KCNH1: variants seen among roughly 807,000 people sequenced by gnomAD.
KCNH1 encodes the protein potassium voltage-gated channel subfamily H member 1, also known as voltage-gated delayed rectifier potassium channel KCNH1.
A neutral mutation model predicts 69.2 loss-of-function variants in KCNH1; 27 were observed. That is an observed-to-expected ratio of 0.39 (90% CI 0.29 to 0.54). The LOEUF is 0.54. Ranked by LOEUF, KCNH1 falls within the 20% of genes least tolerant of loss-of-function variation. The pLI is 0.68. For missense variants in KCNH1, 798 were observed against 1,261.6 expected, an observed-to-expected ratio of 0.63 and a Z score of 5.57; for synonymous variants, 456 against 487.7, an observed-to-expected ratio of 0.93 and a Z score of 0.86.
intron 6 of KCNH1, among the ~76,000 whole-genome samples, chr1:211,010,095 T>C (rs748719329): frequency 4.6e-5 from 7 of 152,144 alleles, no homozygotes; most frequent in Non-Finnish European, 1.0e-4. Context: ...TGCACAATGA[T>C]GGAGTTCTCC....
chr1:210,904,003 G>A (rs1687047018), intron 7 of KCNH1, among the ~76,000 whole-genome samples: 1 of 152,212 alleles, frequency 6.6e-6, no homozygotes, highest in Non-Finnish European at 1.5e-5. Flanking sequence ...AGTGGGCATA[G>A]AAAGGGCTAT....
chr1:210,856,146 ACT>A (rs1206043290), intron 7 of KCNH1, among the ~76,000 whole-genome samples: 2 of 151,794 alleles, frequency 1.3e-5, no homozygotes, highest in Non-Finnish European at 2.9e-5. Flanking sequence ...CCATCTAAAA[ACT>A]CTGTTTTCCA....
At chr1:210,726,814 GGT>G (rs1558442601) in intron 10 of KCNH1, among the ~76,000 whole-genome samples, 2,383 of 149,814 alleles carry the variant, frequency 0.016, 65 homozygotes, top group African/African-American at 0.057. Context: ...CCCCGGCGGG[GGT>G]GGGGTGGACT....
chr1:210,952,507 A>G (rs1212241936), intron 6 of KCNH1, among the ~76,000 whole-genome samples: 1 of 152,192 alleles, frequency 6.6e-6, no homozygotes, highest in Non-Finnish European at 1.5e-5. Flanking sequence ...TAATACTTGC[A>G]GTACAGCAAC....
At chr1:210,748,993 C>G (rs1370446272) in intron 10 of KCNH1, among the ~76,000 whole-genome samples, 1 of 152,222 alleles carries the variant, frequency 6.6e-6, no homozygotes, top group African/African-American at 2.4e-5. Flanking sequence ...CCACTTGGCT[C>G]TGCTCCGGCT....
chr1:210,994,345 A>G (rs1367823401), intron 6 of KCNH1, among the ~76,000 whole-genome samples: 1 of 152,250 alleles, frequency 6.6e-6, no homozygotes, highest in Non-Finnish European at 1.5e-5. Flanking sequence ...TAAGTGCCAC[A>G]ACTTGCAAAG....
rs552567770 is a variant in KCNH1 at position 210,888,701 on chromosome 1, C to T, written c.1462+30939G>A. On this transcript the variant is annotated intron_variant, in intron 7 of 10. Coordinates refer to ENST00000271751, the MANE Select transcript of KCNH1 (RefSeq NM_172362.3). ...AAAAGAGAGAAGAATCAAATAGACA[C>T]AATAAAAAATGATAAAGGGGATATC... 2.6e-5 allele frequency among the ~76,000 whole-genome samples: 4 copies of T among 151,788 alleles called. No individual in the cohort carries two copies. The East Asian group carries it at 7.8e-4, about 30-fold the overall frequency.
intron 5 of KCNH1, among the ~76,000 whole-genome samples, chr1:211,069,480 AT>A (rs11357022): frequency 0.092 from 13,973 of 152,170 alleles, 914 homozygotes; most frequent in South Asian, 0.18. Context: ...ACTATGATTA[AT>A]TTTTTAAGGG....
intron 5 of KCNH1, among the ~76,000 whole-genome samples, chr1:211,037,526 A>G (rs999751100): frequency 7.5e-6 from 1 of 133,566 alleles, no homozygotes; most frequent in Non-Finnish European, 1.6e-5. Flanking sequence ...CTGTACACAG[A>G]CTCTTGATAA....
intron 5 of KCNH1, among the ~76,000 whole-genome samples, chr1:211,081,454 A>C (rs944786309): frequency 3.5e-4 from 54 of 152,204 alleles, no homozygotes; most frequent in African/African-American, 1.1e-3. Context: ...TTGACCCAGC[A>C]ATCCCATTAC....
chr1:210,937,795 C>A (rs1019783179), intron 6 of KCNH1, among the ~76,000 whole-genome samples: 2 of 152,166 alleles, frequency 1.3e-5, no homozygotes, highest in Non-Finnish European at 2.9e-5. Flanking sequence ...CAGATTTGAA[C>A]GCTGACTACT....
At chr1:210,706,001 T>G (rs568107768) in intron 10 of KCNH1, among the ~76,000 whole-genome samples, 31 of 152,216 alleles carry the variant, frequency 2.0e-4, no homozygotes, top group Non-Finnish European at 3.8e-4. Context: ...AACGTAGGTG[T>G]TATCACTGGC....
At chr1:211,090,319 G>T (rs1421799563) in intron 4 of KCNH1, among the ~76,000 whole-genome samples, 1 of 152,208 alleles carries the variant, frequency 6.6e-6, no homozygotes, top group African/African-American at 2.4e-5. Flanking sequence ...ACTAATATCA[G>T]AAAGGGTTAA....
chr1:210,857,709 T>C (rs374793644), intron 7 of KCNH1, among the ~76,000 whole-genome samples: 10 of 152,358 alleles, frequency 6.6e-5, no homozygotes, highest in African/African-American at 2.4e-4. Flanking sequence ...TTGCTTTCAA[T>C]TTGAAATATT....
chr1:210,943,667 A>G (rs1420459150), intron 6 of KCNH1, among the ~76,000 whole-genome samples: 1 of 152,078 alleles, frequency 6.6e-6, no homozygotes, highest in Non-Finnish European at 1.5e-5. Flanking sequence ...CCTTCTTTTT[A>G]AGCAGTGAGC....
intron 10 of KCNH1, among the ~76,000 whole-genome samples, chr1:210,756,013 C>T (rs530405339): frequency 1.2e-4 from 18 of 152,302 alleles, no homozygotes; most frequent in Admixed American, 1.3e-4. Flanking sequence ...AGGTTGCCAG[C>T]GTACTGCATG....
In KCNH1 at chr1:210,919,445, C is replaced by G. The variant is rs924736833; in HGVS notation, c.1462+195G>C. On this transcript the variant is annotated intron_variant, in intron 7 of 10. Transcript: ENST00000271751. The surrounding 1 kb of genome is among the most constrained non-coding windows in gnomAD (Gnocchi z 4.2). The stretch of plus-strand genomic sequence containing the variant: ...TAGTCTTTACTTTCTACTTTGCACT[C>G]TTTTGTATTTTCTAAATTTTTTTGC... 11 of 596,680 alleles carry G rather than the reference C, an allele frequency of 1.8e-5. No homozygotes were observed. The highest frequency in any genetic ancestry group is 8.8e-5 in the Admixed American group (3 of 34,030). 37.0% of individuals were successfully genotyped at this position (596,680 alleles called of 1,614,324 possible).
chr1:211,081,768 T>A (rs556987098), intron 5 of KCNH1, among the ~76,000 whole-genome samples: 176 of 152,050 alleles, frequency 1.2e-3, no homozygotes, highest in Admixed American at 2.6e-3. Flanking sequence ...AATTGAACAA[T>A]GAGAACACTT....
chr1:210,902,314 G>A (rs1687013541), intron 7 of KCNH1, among the ~76,000 whole-genome samples: 1 of 152,194 alleles, frequency 6.6e-6, no homozygotes, highest in Admixed American at 6.5e-5. Flanking sequence ...TTAGCCCAGA[G>A]GGTCTCAAGC....
Sources: gnomAD v4.1 joint callset for allele counts (sites outside exome capture counted in the v4.1 genomes callset) on GRCh38, gnomAD v4.1.1 for gene constraint, Gnocchi (gnomAD v3.1) non-coding constraint, MANE v1.5 for transcripts, NCBI Gene and HGNC (gene_info 2026-07-23, HGNC 2026-07-21) for gene names.